The following TNKS variants were observed in gnomAD, a reference collection of about 807,000 sequenced individuals.
The protein encoded by TNKS is poly [ADP-ribose] polymerase tankyrase-1.
TNKS carries 72 observed loss-of-function variants against 135.8 expected under a neutral mutation model. The observed-to-expected ratio is 0.53, with a 90% CI of 0.44 to 0.64. The LOEUF (loss-of-function observed/expected upper bound fraction) is 0.64. Ranked by LOEUF, TNKS falls within the 30% of genes least tolerant of loss-of-function variation. The pLI, the probability that TNKS is intolerant of heterozygous loss-of-function variation, is 0.00. For missense variants in TNKS, 1,769 were observed against 1,674.0 expected (o/e 1.06, Z -0.99); for synonymous variants, 849 against 649.3 (o/e 1.31, Z -4.68).
intron 2 of TNKS, among the ~76,000 whole-genome samples, chr8:9,594,970 C>A (rs1045942291): frequency 6.6e-6 from 1 of 152,296 alleles, no homozygotes; most frequent in Non-Finnish European, 1.5e-5. Flanking sequence ...ATTTCTCACA[C>A]CTTCTTTACT....
intron 5 of TNKS, among the ~76,000 whole-genome samples, chr8:9,683,561 A>G (rs1438513704): frequency 6.6e-6 from 1 of 151,994 alleles, no homozygotes; most frequent in Non-Finnish European, 1.5e-5. Flanking sequence ...CCTGGTTTGT[A>G]AATTTAAAAA....
intron 21 of TNKS, 23 bp from the exon 22 acceptor site, chr8:9,763,124 A>G (rs377058143): frequency 2.4e-6 from 3 of 1,238,490 alleles, no homozygotes; most frequent in African/African-American, 3.6e-5. Flanking sequence ...TTTGTTTTAT[A>G]TGTTAATTTT....
At chr8:9,626,426 G>A (rs987535074) in intron 3 of TNKS, among the ~76,000 whole-genome samples, 2 of 152,178 alleles carry the variant, frequency 1.3e-5, no homozygotes, top group African/African-American at 4.8e-5. Context: ...GAACTGTAAG[G>A]TAATAAATGT....
intron 3 of TNKS, among the ~76,000 whole-genome samples, chr8:9,645,080 G>A (rs769310875): frequency 7.2e-4 from 110 of 152,146 alleles, no homozygotes; most frequent in Non-Finnish European, 1.4e-3. Flanking sequence ...GACTGGTTCT[G>A]TGGTTGCAGA....
intron 2 of TNKS, among the ~76,000 whole-genome samples, chr8:9,598,856 T>G (rs1798910575): frequency 7.0e-6 from 1 of 142,004 alleles, no homozygotes; most frequent in Non-Finnish European, 1.5e-5. Context: ...ACATAAGAAA[T>G]TTATCTGGAA....
intron 3 of TNKS, among the ~76,000 whole-genome samples, chr8:9,667,512 C>T (rs938969745): frequency 6.6e-6 from 1 of 152,228 alleles, no homozygotes; most frequent in Non-Finnish European, 1.5e-5. Flanking sequence ...CCATATCATC[C>T]TGAGGAATTG....
At chr8:9,673,643 A>G (rs1340687667) in intron 3 of TNKS, among the ~76,000 whole-genome samples, 2 of 151,820 alleles carry the variant, frequency 1.3e-5, no homozygotes, top group African/African-American at 4.8e-5. Flanking sequence ...AGGAGGTTTC[A>G]CCATCTTGAC....
At chr8:9,666,038 C>G (rs543802009) in intron 3 of TNKS, among the ~76,000 whole-genome samples, 4 of 152,158 alleles carry the variant, frequency 2.6e-5, no homozygotes, top group Admixed American at 2.6e-4. Context: ...TTCCTTGTAC[C>G]TAGGAGAATC....
At chr8:9,625,375 T>C (rs1800019410) in intron 3 of TNKS, among the ~76,000 whole-genome samples, 1 of 152,078 alleles carries the variant, frequency 6.6e-6, no homozygotes. Context: ...AAATTCTTTT[T>C]CTGTTTTCAA....
At chr8:9,611,541 T>G (rs1240288579) in intron 2 of TNKS, among the ~76,000 whole-genome samples, 3 of 152,272 alleles carry the variant, frequency 2.0e-5, no homozygotes, top group African/African-American at 7.2e-5. Context: ...TATTTTGTGT[T>G]AATAGTCACA....
At chr8:9,775,459 C>CTATATATATATATATATATATATATA (rs59789406) in intron 26 of TNKS, among the ~76,000 whole-genome samples, 1 of 80,620 alleles carries the variant, frequency 1.2e-5, no homozygotes, top group Non-Finnish European at 2.5e-5. Flanking sequence ...ATGAATGGTT[C>CTATATATATATATATATATATATATA]TATATATATA....
chr8:9,707,944 C>T (rs1804128683), intron 8 of TNKS, among the ~76,000 whole-genome samples: 1 of 152,182 alleles, frequency 6.6e-6, no homozygotes, highest in African/African-American at 2.4e-5. Context: ...AAAAATAATG[C>T]ATCAGCCTGT....
intron 5 of TNKS, among the ~76,000 whole-genome samples, chr8:9,687,155 C>T (rs923111169): frequency 6.6e-6 from 1 of 152,126 alleles, no homozygotes; most frequent in Admixed American, 6.5e-5. Context: ...CTTTATCACC[C>T]TCCATTCTTG....
At chr8:9,661,991 C>T (rs151112454) in intron 3 of TNKS, among the ~76,000 whole-genome samples, 4,812 of 152,296 alleles carry the variant, frequency 0.032, 184 homozygotes, top group African/African-American at 0.095. Context: ...AAAAATGCTG[C>T]TCATCATCAC....
At chr8:9,593,729 T>C (rs570999375) in intron 2 of TNKS, among the ~76,000 whole-genome samples, 8 of 152,164 alleles carry the variant, frequency 5.3e-5, no homozygotes, top group Non-Finnish European at 1.0e-4. Context: ...TAAAAAATTA[T>C]CTGACCACTT....
At chr8:9,686,035 C>G (rs1023928126) in intron 5 of TNKS, among the ~76,000 whole-genome samples, 1 of 152,094 alleles carries the variant, frequency 6.6e-6, no homozygotes. Context: ...CTCAATAAAC[C>G]GTCCCTTTTA....
intron 5 of TNKS, among the ~76,000 whole-genome samples, chr8:9,687,413 T>C (rs947375953): frequency 2.0e-5 from 3 of 152,206 alleles, no homozygotes; most frequent in Non-Finnish European, 4.4e-5. Flanking sequence ...CCTCCTTATG[T>C]TGGGATATAT....
At chr8:9,657,657 C>A (rs1441254680) in intron 3 of TNKS, among the ~76,000 whole-genome samples, 7 of 81,348 alleles carry the variant, frequency 8.6e-5, no homozygotes, top group African/African-American at 2.5e-4. Flanking sequence ...GGGGGCTGAC[C>A]CCCCCATCTC....
intron 2 of TNKS, among the ~76,000 whole-genome samples, chr8:9,614,597 TG>T (rs772020225): frequency 6.6e-6 from 1 of 152,226 alleles, no homozygotes; most frequent in South Asian, 2.1e-4. Flanking sequence ...AAAGAATGTA[TG>T]TGCTTTAGCA....
Sources: gnomAD v4.1 joint callset for allele counts (sites outside exome capture counted in the v4.1 genomes callset) on GRCh38, gnomAD v4.1.1 for gene constraint, MANE v1.5 for transcripts, NCBI Gene and HGNC (gene_info 2026-07-23, HGNC 2026-07-21) for gene names.